NHS: variants seen among roughly 807,000 people sequenced by gnomAD.
NHS encodes NHS actin remodeling regulator, also known as actin remodeling regulator NHS.
A neutral mutation model predicts 72.5 loss-of-function variants in NHS; 5 were observed. The ratio of observed to expected loss-of-function variants is 0.07; its 90% CI spans 0.04 to 0.14. The LOEUF (loss-of-function observed/expected upper bound fraction) is 0.14, where lower values mean the gene tolerates loss of function less well. Among genes scored for constraint, NHS ranks in the 10% least tolerant of loss-of-function variants. The pLI, the probability that NHS is intolerant of heterozygous loss-of-function variation, is 1.00. For synonymous variants in NHS, 464 were observed against 547.7 expected (o/e 0.85, Z 2.13); for missense variants, 1,072 against 1,355.7 (o/e 0.79, Z 3.29).
chrX:17,543,638 G>GT (rs374205415), intron 1 of NHS, among the ~76,000 whole-genome samples: 137 of 111,397 alleles, frequency 1.2e-3, no homozygotes, highest in Middle Eastern at 4.6e-3. Context: ...GGCAGTTCTT[G>GT]TTTTTTTTGT....
At chrX:17,456,782 C>G (rs1044246434) in intron 1 of NHS, among the ~76,000 whole-genome samples, 12 of 111,954 alleles carry the variant, frequency 1.1e-4, no homozygotes, top group Admixed American at 8.5e-4. Flanking sequence ...TTTCTTGATC[C>G]TGCCAGCTTG....
chrX:17,567,964 C>T (rs1293150868), intron 1 of NHS, among the ~76,000 whole-genome samples: 1 of 111,678 alleles, frequency 9.0e-6, no homozygotes, highest in East Asian at 2.8e-4. Flanking sequence ...TCACTTTGTC[C>T]TTCCAGATAT....
intron 1 of NHS, among the ~76,000 whole-genome samples, chrX:17,657,034 C>G (rs2065960054): frequency 8.9e-6 from 1 of 112,902 alleles, no homozygotes; most frequent in East Asian, 2.8e-4. Context: ...GGGGAGTGAG[C>G]TGGAGCTTTT....
chrX:17,601,012 C>T (rs1054691617), intron 1 of NHS, among the ~76,000 whole-genome samples: 16 of 111,359 alleles, frequency 1.4e-4, no homozygotes, highest in African/African-American at 4.9e-4. Flanking sequence ...TTTCAGGGTA[C>T]GGAGAAACAT....
intron 8 of NHS, 147 bp from the exon 9 acceptor site, chrX:17,731,711 C>A: frequency 1.4e-6 from 1 of 714,766 alleles, no homozygotes; most frequent in Non-Finnish European, 2.1e-6. Flanking sequence ...TACTTTTCAT[C>A]TCTATAGCCC....
At chrX:17,603,398 G>C (rs1277733046) in intron 1 of NHS, among the ~76,000 whole-genome samples, 1 of 112,147 alleles carries the variant, frequency 8.9e-6, no homozygotes, top group Non-Finnish European at 1.9e-5. Context: ...CAAGAAATAC[G>C]GTGGCCAAGA....
Position 17,734,816 on chromosome X carries a change from G to A in NHS, c.*2352G>A, listed in dbSNP as rs949351827. 8.9e-6 allele frequency: 1 copy of A among 112,360 alleles called. No homozygotes were observed. The highest frequency in any genetic ancestry group is 1.9e-5 in the Non-Finnish European group (1 of 53,238). 9.3% of individuals were successfully genotyped at this position (112,360 alleles called of 1,213,427 possible). ...TAAGAAACCGTCATTTCCAGTCACA[G>A]TAGGCGATCTTTCGTAATTTCATAA... is the stretch of plus-strand genomic sequence containing the variant. On this transcript the variant is annotated 3_prime_UTR_variant, in exon 9 of 9. Transcript: ENST00000676302.
chrX:17,385,489 G>A (rs2064402257), intron 1 of NHS, among the ~76,000 whole-genome samples: 1 of 111,608 alleles, frequency 9.0e-6, no homozygotes, highest in Non-Finnish European at 1.9e-5. Context: ...ATACCAACCT[G>A]GGTGGCAGAG....
At chrX:17,708,427 C>T (rs2066308938) in intron 3 of NHS, among the ~76,000 whole-genome samples, 1 of 111,902 alleles carries the variant, frequency 8.9e-6, no homozygotes, top group Non-Finnish European at 1.9e-5. Flanking sequence ...GCCCTTTCTC[C>T]CATTGTCTTC....
intron 1 of NHS, among the ~76,000 whole-genome samples, chrX:17,513,675 C>T (rs1240117473): frequency 8.9e-6 from 1 of 111,821 alleles, no homozygotes; most frequent in East Asian, 2.8e-4. Flanking sequence ...CTGGTTTCGA[C>T]CAGTGGGTCT....
chrX:17,478,968 A>G (rs750155437), intron 1 of NHS, among the ~76,000 whole-genome samples: 10 of 111,531 alleles, frequency 9.0e-5, no homozygotes, highest in Non-Finnish European at 1.3e-4. Context: ...GGTTTGTTAC[A>G]TAGGTATACA....
Position 17,376,005 on chromosome X carries a change from C to A in NHS, c.248C>A (p.Pro83Gln). The A allele has an allele frequency of 9.2e-7, 1 of 1,083,042 alleles. No homozygotes were observed. The highest frequency in any genetic ancestry group is 2.2e-5 in the South Asian group (1 of 44,669). The allele number at this position is 1,083,042 out of a possible 1,213,427, so 89.3% of individuals were successfully genotyped here. A position where few individuals can be genotyped will look rare whatever the true frequency, so the allele number is the denominator to read the frequency against. Residue 83 changes from proline (P) to glutamine (Q), a missense_variant, in exon 1 of 9, where the codon CCG becomes CAG. Coordinates refer to ENST00000676302, the MANE Select transcript of NHS (RefSeq NM_001291867.2). ...PLPAPADQTQ[P>Q]PHGEASVAGE... ...CCCGCGCCGGCCGACCAGACTCAGC[C>A]GCCGCACGGAGAGGCGTCCGTGGCT...
chrX:17,573,308 G>C (rs957883265), intron 1 of NHS, among the ~76,000 whole-genome samples: 1 of 111,182 alleles, frequency 9.0e-6, no homozygotes, highest in Admixed American at 9.6e-5. Flanking sequence ...ATCACTTTCA[G>C]GTACACCAAT....
At chrX:17,680,420 A>C (rs759319874) in intron 1 of NHS, among the ~76,000 whole-genome samples, 2 of 112,651 alleles carry the variant, frequency 1.8e-5, no homozygotes, top group Non-Finnish European at 3.7e-5. Context: ...TGGCCTAAAC[A>C]GTGGCTTTCA....
intron 1 of NHS, among the ~76,000 whole-genome samples, chrX:17,624,529 C>T (rs764638104): frequency 8.8e-6 from 1 of 113,018 alleles, no homozygotes; most frequent in Non-Finnish European, 1.9e-5. Context: ...TGATTTCTAA[C>T]TTTAGAAAAA....
chrX:17,653,511 A>G (rs1376526311), intron 1 of NHS, among the ~76,000 whole-genome samples: 3 of 108,862 alleles, frequency 2.8e-5, no homozygotes, highest in Non-Finnish European at 5.7e-5. Flanking sequence ...TATTTTTGCC[A>G]TCACTGTTAA....
At chrX:17,485,316 GA>G (rs1180465442) in intron 1 of NHS, among the ~76,000 whole-genome samples, 3 of 112,454 alleles carry the variant, frequency 2.7e-5, no homozygotes, top group Non-Finnish European at 3.8e-5. Context: ...TTGCACATAA[GA>G]AAAAAATATG....
chrX:17,492,029 C>G (rs1258831521), intron 1 of NHS, among the ~76,000 whole-genome samples: 1 of 110,372 alleles, frequency 9.1e-6, no homozygotes. Flanking sequence ...CTCTTTTCTT[C>G]TTTATTAGTC....
At chrX:17,458,017 G>A (rs1317635443) in intron 1 of NHS, among the ~76,000 whole-genome samples, 1 of 111,616 alleles carries the variant, frequency 9.0e-6, no homozygotes, top group Non-Finnish European at 1.9e-5. Flanking sequence ...CCTCTACTAT[G>A]TGCCAGGTGT....
Sources: gnomAD v4.1 joint callset for allele counts (sites outside exome capture counted in the v4.1 genomes callset) on GRCh38, gnomAD v4.1.1 for gene constraint, MANE v1.5 for transcripts, NCBI Gene and HGNC (gene_info 2026-07-23, HGNC 2026-07-21) for gene names.